Variants in GUCY1A2 observed in about 807,000 individuals in gnomAD.
The protein encoded by GUCY1A2 is guanylate cyclase 1 soluble subunit alpha 2, also known as guanylate cyclase soluble subunit alpha-2.
A neutral mutation model predicts 63.5 loss-of-function variants in GUCY1A2; 27 were observed. That is an observed-to-expected ratio of 0.43 (90% CI 0.31 to 0.59). GUCY1A2 has a LOEUF of 0.59. Among genes scored for constraint, GUCY1A2 ranks in the 20% least tolerant of loss-of-function variants. GUCY1A2 has a pLI of 0.11. For missense variants in GUCY1A2, 768 were observed against 913.3 expected, an observed-to-expected ratio of 0.84 and a Z score of 2.05; for synonymous variants, 364 against 343.5, an observed-to-expected ratio of 1.06 and a Z score of -0.66.
At chr11:106,975,796 C>T (rs1013036538) in intron 3 of GUCY1A2, among the ~76,000 whole-genome samples, 24 of 152,100 alleles carry the variant, frequency 1.6e-4, no homozygotes, top group African/African-American at 4.3e-4. Flanking sequence ...CATGTGCTCC[C>T]AGGGAGTCCC....
rs375012557 is a variant in GUCY1A2 at position 106,995,088 on chromosome 11, C to T, written c.304-8957G>A. On this transcript the variant is annotated intron_variant, in intron 1 of 7. Coordinates refer to ENST00000526355, the MANE Select transcript of GUCY1A2 (RefSeq NM_000855.3). The stretch of plus-strand genomic sequence containing the variant: ...GGTATAGCAAAAGCCTTTTGGTAGA[C>T]GTGGCTTCCATCTTAAAGCCCAAAA... Among the ~76,000 whole-genome samples, 26 of 152,232 alleles carry T rather than the reference C, an allele frequency of 1.7e-4. No individual in the cohort carries two copies. In the East Asian group the frequency reaches 3.7e-3, roughly 22 times the overall value.
chr11:106,734,362 A>G (rs1008730639), intron 6 of GUCY1A2, among the ~76,000 whole-genome samples: 1 of 152,124 alleles, frequency 6.6e-6, no homozygotes, highest in African/African-American at 2.4e-5. Context: ...CTAAGGATAT[A>G]TAAGAATATC....
intron 6 of GUCY1A2, among the ~76,000 whole-genome samples, chr11:106,715,404 A>T (rs1047566165): frequency 6.6e-6 from 1 of 152,192 alleles, no homozygotes; most frequent in African/African-American, 2.4e-5. Flanking sequence ...TGTTAGGCTC[A>T]GCTCTAGATC....
chr11:106,781,101 T>TAAAC (rs1211020554), intron 5 of GUCY1A2, among the ~76,000 whole-genome samples: 5 of 59,880 alleles, frequency 8.4e-5, no homozygotes, highest in East Asian at 6.5e-4. Context: ...GTGGACATGG[T>TAAAC]AAACAGACTA....
intron 1 of GUCY1A2, among the ~76,000 whole-genome samples, chr11:106,991,562 A>C (rs2513108): frequency 0.22 from 33,915 of 152,100 alleles, 4,248 homozygotes; most frequent in East Asian, 0.5. Flanking sequence ...ATATGATGAA[A>C]AAGACAAAAA....
rs113110727 is a variant in GUCY1A2 at position 106,918,484 on chromosome 11, C to T, written c.1206+20976G>A. Among the ~76,000 whole-genome samples, 198 of 145,582 alleles carry T rather than the reference C, an allele frequency of 1.4e-3. 6 individuals are homozygous for T. Among genetic ancestry groups the T allele is most frequent in the African/African-American group, 4.5e-3 (186 of 40,974 alleles). ...AGACAACAGAACTCAAATTTGTTTGCATATTCTTCCTCGCCATGGACATCA... is the reference window on the plus strand; with the variant it reads ...AGACAACAGAACTCAAATTTGTTTGTATATTCTTCCTCGCCATGGACATCA... On this transcript the variant is annotated intron_variant, in intron 4 of 7. Coordinates refer to ENST00000526355, the MANE Select transcript of GUCY1A2 (RefSeq NM_000855.3).
intron 4 of GUCY1A2, among the ~76,000 whole-genome samples, chr11:106,846,713 A>G (rs1226655235): frequency 1.3e-5 from 2 of 151,610 alleles, no homozygotes; most frequent in African/African-American, 4.8e-5. Context: ...ATAATGTCTT[A>G]TATCTACTTA....
chr11:107,017,658 G>C lies in GUCY1A2; in HGVS notation c.303+95C>G, dbSNP rs1861842266. 8 of 660,144 alleles carry C rather than the reference G, an allele frequency of 1.2e-5. No homozygotes were observed. In the South Asian group the frequency reaches 2.1e-4, roughly 17 times the overall value. 40.9% of individuals were successfully genotyped at this position (660,144 alleles called of 1,614,324 possible). On this transcript the variant is annotated intron_variant, in intron 1 of 7. Coordinates refer to ENST00000526355, the MANE Select transcript of GUCY1A2 (RefSeq NM_000855.3). ...AAGGCCGGGCCGCCCCCCAGCGGTC[G>C]GGCTCTGCGCTCGCGCCCCGGCTCG...
rs7930328 is a variant in GUCY1A2 at position 106,837,474 on chromosome 11, T to C, written c.1207-26996A>G. Among the ~76,000 whole-genome samples the C allele has an allele frequency of 2.7e-3, 409 of 152,154 alleles. 5 individuals carry two copies. The highest frequency in any genetic ancestry group is 8.9e-3 in the African/African-American group (368 of 41,544). On this transcript the variant is annotated intron_variant, in intron 4 of 7. Coordinates refer to ENST00000526355, the MANE Select transcript of GUCY1A2 (RefSeq NM_000855.3). ...GAACATTTGTGTGCCTGTATCATTA[T>C]GGTAGAATGATTTATATTCCTTTGG...
chr11:106,862,678 ACT>A (rs1193450481), intron 4 of GUCY1A2, among the ~76,000 whole-genome samples: 1 of 151,912 alleles, frequency 6.6e-6, no homozygotes, highest in Non-Finnish European at 1.5e-5. Context: ...TTAATGGGAG[ACT>A]CTATTCCAAT....
In GUCY1A2 at chr11:106,733,738, A is replaced by G. The variant is rs192853201; in HGVS notation, c.1837-25072T>C. On this transcript the variant is annotated intron_variant, in intron 6 of 7. Coordinates refer to ENST00000526355, the MANE Select transcript of GUCY1A2 (RefSeq NM_000855.3). ...TGGAACTAATTTGGAAAGGAGGAGG[A>G]GCTTGGACAGGGAATACAGCCCTCA... Among the ~76,000 whole-genome samples the G allele has an allele frequency of 1.2e-3, 180 of 152,122 alleles. 1 individual carries two copies. Among genetic ancestry groups the G allele is most frequent in the African/African-American group, 4.1e-3 (171 of 41,514 alleles).
intron 7 of GUCY1A2, among the ~76,000 whole-genome samples, chr11:106,698,275 T>C (rs1049280420): frequency 9.8e-5 from 14 of 142,408 alleles, no homozygotes; most frequent in South Asian, 2.3e-4. Flanking sequence ...ACATGCACCA[T>C]GTCTGGGGAT....
intron 7 of GUCY1A2, among the ~76,000 whole-genome samples, chr11:106,705,076 A>C (rs1862884974): frequency 6.6e-6 from 1 of 152,086 alleles, no homozygotes; most frequent in African/African-American, 2.4e-5. Context: ...ACTCAATAAA[A>C]ATTTCTTTTT....
chr11:106,980,142 A>G (rs1407433506), intron 2 of GUCY1A2, among the ~76,000 whole-genome samples: 3 of 152,214 alleles, frequency 2.0e-5, no homozygotes, highest in African/African-American at 7.2e-5. Flanking sequence ...AAAGAAATAG[A>G]GCAAAATTGG....
At chr11:106,729,009 A>C (rs1218661615) in intron 6 of GUCY1A2, among the ~76,000 whole-genome samples, 1 of 152,146 alleles carries the variant, frequency 6.6e-6, no homozygotes, top group African/African-American at 2.4e-5. Context: ...TCATTCACCA[A>C]ATATTTGTTG....
intron 6 of GUCY1A2, among the ~76,000 whole-genome samples, chr11:106,723,535 T>TA (rs1265617683): frequency 6.6e-6 from 1 of 152,086 alleles, no homozygotes; most frequent in Non-Finnish European, 1.5e-5. Flanking sequence ...AATATTTAAG[T>TA]AAAAAATGGC....
intron 4 of GUCY1A2, among the ~76,000 whole-genome samples, chr11:106,874,904 A>C (rs1355943658): frequency 6.6e-6 from 1 of 152,168 alleles, no homozygotes; most frequent in Non-Finnish European, 1.5e-5. Context: ...ACATTCAATA[A>C]AATCTTTAAA....
intron 3 of GUCY1A2, 32 bp downstream of exon 3, chr11:106,978,587 C>G: frequency 1.5e-6 from 2 of 1,362,070 alleles, no homozygotes; most frequent in Non-Finnish European, 1.0e-6. Flanking sequence ...TTCATTCTCT[C>G]TCATCCATAT....
intron 1 of GUCY1A2, among the ~76,000 whole-genome samples, chr11:106,997,995 C>T (rs1455235023): frequency 6.6e-6 from 1 of 152,102 alleles, no homozygotes; most frequent in Non-Finnish European, 1.5e-5. Context: ...AAAGTGATGT[C>T]ACTAATGCCT....
Sources: allele counts gnomAD v4.1 joint callset (sites outside exome capture counted in the v4.1 genomes callset), GRCh38; gene constraint gnomAD v4.1.1; transcripts MANE v1.5; gene names NCBI Gene and HGNC (gene_info 2026-07-23, HGNC 2026-07-21).